Variants in NKAIN2 observed in about 807,000 individuals in gnomAD.
NKAIN2 encodes the protein sodium/potassium transporting ATPase interacting 2.
Under a neutral mutation model 32.6 loss-of-function variants are expected in NKAIN2, and 14 were observed. The ratio of observed to expected loss-of-function variants is 0.43; its 90% confidence interval spans 0.28 to 0.67. NKAIN2 has a LOEUF of 0.67. Among genes scored for constraint, NKAIN2 ranks in the 30% least tolerant of loss-of-function variants. NKAIN2 has a pLI of 0.17. For synonymous variants in NKAIN2, 80 were observed against 87.2 expected (o/e 0.92, Z 0.46); for missense variants, 198 against 258.3 (o/e 0.77, Z 1.60).
At chr6:124,411,515 T>G (rs1328969659) in intron 3 of NKAIN2, among the ~76,000 whole-genome samples, 1 of 152,244 alleles carries the variant, frequency 6.6e-6, no homozygotes, top group South Asian at 2.1e-4. Context: ...TGGCCCCCAG[T>G]CTCTTCTGGC....
At chr6:123,907,236 T>G (rs1369073711) in intron 1 of NKAIN2, among the ~76,000 whole-genome samples, 1 of 152,180 alleles carries the variant, frequency 6.6e-6, no homozygotes, top group Admixed American at 6.5e-5. Flanking sequence ...TTTGTTTTTT[T>G]TAGAGTGTCA....
At chr6:123,970,221 A>C (rs1260097784) in intron 1 of NKAIN2, among the ~76,000 whole-genome samples, 4 of 152,162 alleles carry the variant, frequency 2.6e-5, no homozygotes, top group Non-Finnish European at 5.9e-5. Context: ...AGGGAAGAGG[A>C]ACAAAAGGAA....
chr6:124,405,041 TG>T (rs1773787725), intron 3 of NKAIN2, among the ~76,000 whole-genome samples: 1 of 152,192 alleles, frequency 6.6e-6, no homozygotes, highest in Non-Finnish European at 1.5e-5. Context: ...ATGAATGCCG[TG>T]TACAAACTAT....
In NKAIN2 at chr6:124,412,592, G is replaced by T. The variant is rs545998854; in HGVS notation, c.273+57245G>T. ...GGTGTCAGTCTGCCCCTACTGAGGG[G>T]TGCCTCCCAGTTAGGCTACTCAGGG... On this transcript the variant is annotated intron_variant, in intron 3 of 6. Transcript: ENST00000368417. Among the ~76,000 whole-genome samples, 399 of 152,270 alleles carry T rather than the reference G, an allele frequency of 2.6e-3. 3 individuals carry two copies. Among genetic ancestry groups the T allele is most frequent in the African/African-American group, 9.2e-3 (384 of 41,560 alleles).
At chr6:124,293,821 A>AAT (rs1795928128) in intron 2 of NKAIN2, among the ~76,000 whole-genome samples, 1 of 152,108 alleles carries the variant, frequency 6.6e-6, no homozygotes, top group African/African-American at 2.4e-5. Flanking sequence ...GACGACAGAT[A>AAT]ATATCAAAAC....
At chr6:124,804,782 T>G (rs1406125350) in intron 5 of NKAIN2, among the ~76,000 whole-genome samples, 7 of 152,140 alleles carry the variant, frequency 4.6e-5, no homozygotes, top group Non-Finnish European at 7.3e-5. Flanking sequence ...ATCGGATCAC[T>G]CCCACCCGAA....
chr6:124,126,709 C>A (rs1786182468), intron 1 of NKAIN2, among the ~76,000 whole-genome samples: 1 of 152,290 alleles, frequency 6.6e-6, no homozygotes, highest in African/African-American at 2.4e-5. Context: ...ATCACTTGAG[C>A]CCAGTCTGGG....
intron 5 of NKAIN2, among the ~76,000 whole-genome samples, chr6:124,799,511 A>G (rs900980161): frequency 1.3e-5 from 2 of 152,114 alleles, no homozygotes; most frequent in Non-Finnish European, 2.9e-5. Context: ...TAAATCTGAT[A>G]TTTCCAAGTC....
chr6:124,754,205 C>T (rs1777856786), intron 4 of NKAIN2, among the ~76,000 whole-genome samples: 1 of 152,036 alleles, frequency 6.6e-6, no homozygotes, highest in Non-Finnish European at 1.5e-5. Context: ...GCAATGACTT[C>T]AGCTGGTATT....
At chr6:124,459,216 T>C (rs890303069) in intron 3 of NKAIN2, among the ~76,000 whole-genome samples, 5 of 151,876 alleles carry the variant, frequency 3.3e-5, no homozygotes, top group African/African-American at 9.7e-5. Context: ...CCCTGGGAGA[T>C]TGACTGGCTT....
intron 3 of NKAIN2, among the ~76,000 whole-genome samples, chr6:124,435,912 TAAAAA>T (rs59230300): frequency 0.22 from 32,766 of 151,952 alleles, 3,695 homozygotes; most frequent in African/African-American, 0.28. Context: ...AATTCTAAAA[TAAAAA>T]TACCAGATTA....
chr6:124,392,797 A>G lies in NKAIN2; in HGVS notation c.273+37450A>G, dbSNP rs569708800. On this transcript the variant is annotated intron_variant, in intron 3 of 6. Coordinates refer to ENST00000368417, the MANE Select transcript of NKAIN2 (RefSeq NM_001040214.3). ...TATAAATTTTATAAATAATTCAGTGAAAGGCTGGAGGTCTTATCTCATGTA... is the reference window on the plus strand; with the variant it reads ...TATAAATTTTATAAATAATTCAGTGGAAGGCTGGAGGTCTTATCTCATGTA... Among the ~76,000 whole-genome samples, 5 of 152,294 alleles carry G rather than the reference A, an allele frequency of 3.3e-5. No individual in the cohort carries two copies. The East Asian group carries it at 9.6e-4, about 29-fold the overall frequency.
intron 2 of NKAIN2, among the ~76,000 whole-genome samples, chr6:124,344,145 T>C (rs987106905): frequency 3.3e-5 from 5 of 152,120 alleles, no homozygotes; most frequent in African/African-American, 1.2e-4. Flanking sequence ...TAGTTGTAGA[T>C]ATGCAGCATT....
intron 1 of NKAIN2, among the ~76,000 whole-genome samples, chr6:123,961,628 A>G (rs1777857308): frequency 6.6e-6 from 1 of 152,200 alleles, no homozygotes; most frequent in Non-Finnish European, 1.5e-5. Context: ...CTAAGGTTGT[A>G]TTGGAGAGAT....
At chr6:124,588,978 A>AT (rs1781809729) in intron 3 of NKAIN2, among the ~76,000 whole-genome samples, 1 of 152,132 alleles carries the variant, frequency 6.6e-6, no homozygotes, top group African/African-American at 2.4e-5. Flanking sequence ...CTTTTAATGT[A>AT]TTTTTTATAA....
intron 1 of NKAIN2, among the ~76,000 whole-genome samples, chr6:123,841,412 G>A (rs763218947): frequency 1.3e-5 from 2 of 152,124 alleles, no homozygotes; most frequent in Non-Finnish European, 2.9e-5. Context: ...AATTAAATAT[G>A]GAGACATAAG....
intron 3 of NKAIN2, among the ~76,000 whole-genome samples, chr6:124,605,109 A>G (rs1484354946): frequency 6.6e-6 from 1 of 152,070 alleles, no homozygotes; most frequent in Admixed American, 6.6e-5. Flanking sequence ...GCTTTGTAAC[A>G]ATATTTTTAA....
intron 1 of NKAIN2, among the ~76,000 whole-genome samples, chr6:124,269,999 A>G (rs375634216): frequency 7.9e-5 from 12 of 151,540 alleles, no homozygotes; most frequent in African/African-American, 2.2e-4. Flanking sequence ...TGCTCTAGTC[A>G]GAGACACTGT....
intron 3 of NKAIN2, among the ~76,000 whole-genome samples, chr6:124,583,690 C>G (rs11154247): frequency 0.47 from 71,627 of 151,896 alleles, 19,618 homozygotes; most frequent in Non-Finnish European, 0.59. Flanking sequence ...CCAAAGCTAT[C>G]CTGAGAAAAA....
Sources: allele counts gnomAD v4.1 joint callset (sites outside exome capture counted in the v4.1 genomes callset), GRCh38; gene constraint gnomAD v4.1.1; transcripts MANE v1.5; gene names NCBI Gene and HGNC (gene_info 2026-07-23, HGNC 2026-07-21).